P2RY13: variants seen among roughly 807,000 people sequenced by gnomAD.
P2RY13 encodes P2Y purinoceptor 13.
For missense variants in P2RY13, 412 were observed against 418.4 expected (o/e 0.98, Z 0.13); for synonymous variants, 150 against 155.1 (o/e 0.97, Z 0.24).
chr3:151,328,187 C>G lies in P2RY13; in HGVS notation c.869G>C (p.Arg290Thr). Reference sequence around the variant, plus strand: ...AGCAATAAACAGTTGATTTTGCAGTCTACAGTCAGTCTTATTGTTGGTTTG... The same window carrying G: ...AGCAATAAACAGTTGATTTTGCAGTGTACAGTCAGTCTTATTGTTGGTTTG... ...HSQTNNKTDC[R>T]LQNQLFIAKE... The change falls in exon 2 of 2, where the codon AGA (arginine) becomes ACA (threonine). Residue 290 changes from arginine (R) to threonine (T), a missense_variant. Arg to Thr is a moderately conservative substitution (Grantham distance 71). Transcript: ENST00000325602. The G allele has an allele frequency of 6.2e-7, 1 of 1,612,904 alleles. No individual in the cohort carries two copies. Among genetic ancestry groups the G allele is most frequent in the Non-Finnish European group, 8.5e-7 (1 of 1,179,558 alleles).
rs754757932 is a variant in P2RY13, at chr3:151,328,935, G to A, written c.121C>T (p.Arg41Trp). The change falls in exon 2 of 2, where the codon CGG (arginine) becomes TGG (tryptophan). Residue 41 changes from arginine (R) to tryptophan (W), a missense_variant. Physicochemically the swap from Arg to Trp is moderately radical, Grantham distance 101 (BLOSUM62 -3). Transcript: ENST00000325602. ...NRSERCPRDT[R>W]IVQLVFPALY... Reference sequence around the variant, plus strand: ...GCTGGGAATACCAGCTGTACTATCCGAGTGTCTCTGGGGCACCGCTCAGAT... The same window carrying A: ...GCTGGGAATACCAGCTGTACTATCCAAGTGTCTCTGGGGCACCGCTCAGAT... 10 of 1,613,538 alleles carry A rather than the reference G, an allele frequency of 6.2e-6. No individual in the cohort carries two copies. In the African/African-American group the frequency reaches 8.0e-5, roughly 13 times the overall value.
Position 151,328,636 on chromosome 3 carries a change from G to A in P2RY13, c.420C>T (p.Asp140=). 2.5e-6 allele frequency: 4 copies of A among 1,613,854 alleles called. No individual in the cohort carries two copies. The highest frequency in any genetic ancestry group is 3.4e-6 in the Non-Finnish European group (4 of 1,179,908). The part of the protein sequence containing the change: ...GIVLLGLIAF[D]RFLKIIRPLR... ...AAGGTCTGATGATCTTGAGGAATCT[G>A]TCAAAGGCTATGAGCCCTAACAGCA... The change falls in exon 2 of 2, where the codon GAC becomes GAT. Residue 140 remains aspartate, a synonymous_variant. Coordinates refer to ENST00000325602, the MANE Select transcript of P2RY13 (RefSeq NM_176894.3).
rs1425026020 is a variant in P2RY13, at chr3:151,328,267, G to C, written c.789C>G (p.Val263=). The C allele has an allele frequency of 5.6e-6, 9 of 1,613,964 alleles. No individual in the cohort carries two copies. In the South Asian group the frequency reaches 8.8e-5, roughly 16 times the overall value. Residue 263 remains valine (V), a synonymous_variant, in exon 2 of 2, where the codon GTC becomes GTG. Transcript: ENST00000325602. ...LEGKVFVVVA[V]FFVCFAPFHF... ...GAAATGGAGCAAAACACACAAAGAA[G>C]ACAGCCACGACAACAAATACTTTGC... is the stretch of plus-strand genomic sequence containing the variant.
intron 1 of P2RY13, 67 bp from the exon 2 acceptor site, chr3:151,329,074 T>C: frequency 8.2e-7 from 1 of 1,220,122 alleles, no homozygotes. Context: ...TCAAATGCTA[T>C]TTTTTAAAAA....
In P2RY13 at chr3:151,328,306, G is replaced by A. The variant is rs781753965; in HGVS notation, c.750C>T (p.Asn250=). 2.5e-5 allele frequency: 41 copies of A among 1,613,632 alleles called. No individual in the cohort carries two copies. Among genetic ancestry groups the A allele is most frequent in the Non-Finnish European group, 3.4e-5 (40 of 1,179,886 alleles). ...CAAATACTTTGCCTTCCAGCTTTTT[G>A]TTGTTTTTTCTGTCCTTACTTTTGG... ...RKSKSKDRKN[N]KKLEGKVFVV... is the part of the protein sequence containing the mutation. The change falls in exon 2 of 2, where the codon AAC becomes AAT. Residue 250 remains asparagine, a synonymous_variant. Transcript: ENST00000325602.
rs576934255 is a variant in P2RY13 at position 151,327,358 on chromosome 3, G to A, written c.*633C>T. ...CACACTTGAATTGTACACACTTAAG[G>A]TGTAAGCAAAGTGGCTTAATAATGG... is the stretch of plus-strand genomic sequence containing the variant. On this transcript the variant is annotated 3_prime_UTR_variant, in exon 2 of 2. Transcript: ENST00000325602. 1 of 152,286 alleles carries A rather than the reference G, an allele frequency of 6.6e-6. No homozygotes were observed. The highest frequency in any genetic ancestry group is 6.5e-5 in the Admixed American group (1 of 15,292). 9.4% of individuals were successfully genotyped at this position (152,286 alleles called of 1,614,324 possible). A position where few individuals can be genotyped will look rare whatever the true frequency, so the allele number is the denominator to read the frequency against.
Position 151,327,917 on chromosome 3 carries a change from C to G in P2RY13, c.*74G>C. The G allele has an allele frequency of 9.3e-7, 1 of 1,073,048 alleles. No individual in the cohort carries two copies. Among genetic ancestry groups the G allele is most frequent in the Non-Finnish European group, 1.3e-6 (1 of 752,188 alleles). The allele number at this position is 1,073,048 out of a possible 1,614,324, so 66.5% of individuals were successfully genotyped here. On this transcript the variant is annotated 3_prime_UTR_variant, in exon 2 of 2. Transcript: ENST00000325602. The stretch of plus-strand genomic sequence containing the variant: ...AGAGCATTTGTTCCAATCTTTTTTT[C>G]TTGGTTAAATTTGATTTCCACATTA...
At position 151,327,749 on chromosome 3, in the gene P2RY13, AG is replaced by A. The variant is rs1203170207; in HGVS notation, c.*241del. ...CTCTTGAAATTAAAAAAAAAAAAAA[AG>A]AAAGAAAGAAATAATGACCTCTAGT... On this transcript the variant is annotated 3_prime_UTR_variant, in exon 2 of 2. Coordinates refer to ENST00000325602, the MANE Select transcript of P2RY13 (RefSeq NM_176894.3). The A allele has an allele frequency of 3.1e-5, 10 of 327,634 alleles. No homozygotes were observed. The highest frequency in any genetic ancestry group is 1.5e-4 in the African/African-American group (7 of 46,124). 20.3% of individuals were successfully genotyped at this position (327,634 alleles called of 1,614,324 possible).
Position 151,327,956 on chromosome 3 carries a change from C to T in P2RY13, c.*35G>A, listed in dbSNP as rs575842008. The T allele has an allele frequency of 3.8e-5, 53 of 1,407,808 alleles. 1 individual carries two copies. The highest frequency in any genetic ancestry group is 3.7e-4 in the South Asian group (24 of 65,446). 87.2% of individuals were successfully genotyped at this position (1,407,808 alleles called of 1,614,324 possible). A position where few individuals can be genotyped will look rare whatever the true frequency, so the allele number is the denominator to read the frequency against. ...ATTTCCACATTATCTACGGAAGTCTCATCAATAAATAGAAGTTAACCCTAT... is the reference window on the plus strand; with the variant it reads ...ATTTCCACATTATCTACGGAAGTCTTATCAATAAATAGAAGTTAACCCTAT... On this transcript the variant is annotated 3_prime_UTR_variant, in exon 2 of 2. Coordinates refer to ENST00000325602, the MANE Select transcript of P2RY13 (RefSeq NM_176894.3).
Position 151,328,276 on chromosome 3 carries a change from G to A in P2RY13, c.780C>T (p.Val260=), listed in dbSNP as rs780197468. 13 of 1,613,816 alleles carry A rather than the reference G, an allele frequency of 8.1e-6. No homozygotes were observed. Among genetic ancestry groups the A allele is most frequent in the South Asian group, 1.1e-5 (1 of 91,074 alleles). ...NKKLEGKVFV[V]VAVFFVCFAP... ...CAAAACACACAAAGAAGACAGCCACGACAACAAATACTTTGCCTTCCAGCT... is the reference window on the plus strand; with the variant it reads ...CAAAACACACAAAGAAGACAGCCACAACAACAAATACTTTGCCTTCCAGCT... Residue 260 remains valine (V), a synonymous_variant, in exon 2 of 2, where the codon GTC becomes GTT. Transcript: ENST00000325602.
rs199907771 is a variant in P2RY13, at chr3:151,329,516, T to C, written c.13A>G (p.Ile5Val). The change falls in exon 1 of 2, where the codon ATA becomes GTA. Residue 5 changes from isoleucine (I) to valine (V), a missense_variant. By Grantham distance (29) the Ile-to-Val change is conservative (BLOSUM62 3). Coordinates refer to ENST00000325602, the MANE Select transcript of P2RY13 (RefSeq NM_176894.3). MTAA[I>V]RRQRELSILP... Reference sequence around the variant, plus strand: ...ATACTCAGTTCTCTCTGTCTTCTTATGGCGGCAGTCATTAGTTCAGCCTAC... The same window carrying C: ...ATACTCAGTTCTCTCTGTCTTCTTACGGCGGCAGTCATTAGTTCAGCCTAC... 2.5e-5 allele frequency: 39 copies of C among 1,548,402 alleles called. No individual in the cohort carries two copies. The highest frequency in any genetic ancestry group is 1.7e-4 in the Middle Eastern group (1 of 6,000).
At position 151,326,512 on chromosome 3, in the gene P2RY13, A is replaced by C. The variant is rs1749615435; in HGVS notation, c.*1479T>G. ...GATGGTGGGATATTGGCCAGGTAATATTTCATGGACCAAGTGATGACAACA... is the reference window on the plus strand; with the variant it reads ...GATGGTGGGATATTGGCCAGGTAATCTTTCATGGACCAAGTGATGACAACA... On this transcript the variant is annotated 3_prime_UTR_variant, in exon 2 of 2. Transcript: ENST00000325602. 6.6e-6 allele frequency: 1 copy of C among 152,500 alleles called. No homozygotes were observed. Among genetic ancestry groups the C allele is most frequent in the African/African-American group, 2.4e-5 (1 of 41,430 alleles). The allele number at this position is 152,500 out of a possible 1,614,324, so 9.4% of individuals were successfully genotyped here. A position where few individuals can be genotyped will look rare whatever the true frequency, so the allele number is the denominator to read the frequency against.
rs755664869 is a variant in P2RY13 at position 151,328,657 on chromosome 3, C to T, written c.399G>A (p.Leu133=). Residue 133 remains leucine (L), a synonymous_variant, in exon 2 of 2, where the codon CTG becomes CTA. Transcript: ENST00000325602. ...ATCTGTCAAAGGCTATGAGCCCTAA[C>T]AGCACGATGCCCACATACATGGTCT... ...FYETMYVGIV[L]LGLIAFDRFL... is the part of the protein sequence containing the mutation. 1.2e-6 allele frequency: 2 copies of T among 1,613,888 alleles called. No homozygotes were observed. Among genetic ancestry groups the T allele is most frequent in the Non-Finnish European group, 8.5e-7 (1 of 1,179,824 alleles).
At chr3:151,329,268 T>A (rs1306099402) in intron 1 of P2RY13, among the ~76,000 whole-genome samples, 1 of 152,186 alleles carries the variant, frequency 6.6e-6, no homozygotes, top group Non-Finnish European at 1.5e-5. Context: ...TCTGCCTCAT[T>A]CACAGGTGCT....
rs200663977 is a variant in P2RY13 at position 151,328,630 on chromosome 3, G to T, written c.426C>A (p.Phe142Leu). The T allele has an allele frequency of 3.2e-5, 51 of 1,613,588 alleles. No homozygotes were observed. The highest frequency in any genetic ancestry group is 3.5e-5 in the Non-Finnish European group (41 of 1,179,896). The change falls in exon 2 of 2, where the codon TTC (phenylalanine) becomes TTA (leucine). Residue 142 changes from phenylalanine to leucine, a missense_variant. Physicochemically the swap from Phe to Leu is conservative, Grantham distance 22 (BLOSUM62 0). Transcript: ENST00000325602. ...TTCTCAAAGGTCTGATGATCTTGAG[G>T]AATCTGTCAAAGGCTATGAGCCCTA... ...VLLGLIAFDR[F>L]LKIIRPLRNI...
In P2RY13 at chr3:151,326,751, A is replaced by G. The variant is rs1749646619; in HGVS notation, c.*1240T>C. On this transcript the variant is annotated 3_prime_UTR_variant, in exon 2 of 2. Coordinates refer to ENST00000325602, the MANE Select transcript of P2RY13 (RefSeq NM_176894.3). ...TGGAAGAAAACGTGGGCTTCACCCT[A>G]CGATGGTCGTGTTGGAGCTCGTGGC... 6.6e-6 allele frequency: 1 copy of G among 152,240 alleles called. No homozygotes were observed. Among genetic ancestry groups the G allele is most frequent in the African/African-American group, 2.4e-5 (1 of 41,474 alleles). The allele number at this position is 152,240 out of a possible 1,614,324, so 9.4% of individuals were successfully genotyped here.
chr3:151,329,089 C>A, intron 1 of P2RY13, 82 bp from the exon 2 acceptor site: 2 of 1,029,500 alleles, frequency 1.9e-6, no homozygotes, highest in South Asian at 3.2e-5. Flanking sequence ...TAAAAACAGA[C>A]TTTATGTTTA....
intron 1 of P2RY13, among the ~76,000 whole-genome samples, chr3:151,329,265 C>G (rs1206912446): frequency 6.6e-6 from 1 of 152,134 alleles, no homozygotes; most frequent in Non-Finnish European, 1.5e-5. Flanking sequence ...GGTTCTGCCT[C>G]ATTCACAGGT....
intron 1 of P2RY13, 74 bp from the exon 2 acceptor site, chr3:151,329,081 A>G: frequency 3.6e-6 from 4 of 1,107,300 alleles, no homozygotes; most frequent in Non-Finnish European, 5.2e-6. Flanking sequence ...CTATTTTTTA[A>G]AAACAGACTT....
Sources: gnomAD v4.1 joint callset for allele counts (sites outside exome capture counted in the v4.1 genomes callset) on GRCh38, gnomAD v4.1.1 for gene constraint, MANE v1.5 for transcripts, NCBI Gene and HGNC (gene_info 2026-07-23, HGNC 2026-07-21) for gene names.